HDAC9: variants seen among roughly 807,000 people sequenced by gnomAD.
HDAC9 encodes the protein MEF-2 interacting transcription repressor (MITR) protein.
HDAC9 carries 41 observed loss-of-function variants against 139.4 expected under a neutral mutation model. That is an observed-to-expected ratio of 0.29 (90% confidence interval 0.23 to 0.38). The LOEUF (loss-of-function observed/expected upper bound fraction) is 0.38. HDAC9 is among the 10% of genes least tolerant of loss of function. The pLI, the probability that HDAC9 is intolerant of heterozygous loss-of-function variation, is 1.00. For missense variants in HDAC9, 1,147 were observed against 1,297.0 expected, an observed-to-expected ratio of 0.88 and a Z score of 1.78; for synonymous variants, 517 against 476.2, an observed-to-expected ratio of 1.09 and a Z score of -1.12.
chr7:18,732,875 A>G (rs1355987795), intron 13 of HDAC9, among the ~76,000 whole-genome samples: 1 of 102,474 alleles, frequency 9.8e-6, no homozygotes, highest in Non-Finnish European at 1.9e-5. Flanking sequence ...GTGTACACAC[A>G]CACGTGTGCG....
Position 18,212,820 on chromosome 7 carries a change from A to T in HDAC9, c.25+50471A>T, listed in dbSNP as rs529669170. Reference sequence around the variant, plus strand: ...CAAAGTGTCACATAAACCTTTTCCTAATCAAAGTGGTTGTTCATTTATTAA... The same window carrying T: ...CAAAGTGTCACATAAACCTTTTCCTTATCAAAGTGGTTGTTCATTTATTAA... On this transcript the variant is annotated intron_variant, in intron 2 of 12. Transcript: ENST00000417496. Among the ~76,000 whole-genome samples, 3 of 152,296 alleles carry T rather than the reference A, an allele frequency of 2.0e-5. No individual in the cohort carries two copies. In the South Asian group the frequency reaches 6.2e-4, roughly 32 times the overall value.
chr7:18,304,505 G>A (rs1798784464), intron 1 of HDAC9, among the ~76,000 whole-genome samples: 1 of 152,156 alleles, frequency 6.6e-6, no homozygotes, highest in Non-Finnish European at 1.5e-5. Flanking sequence ...GTAAAGTAAT[G>A]TGGGTTGTGT....
chr7:18,300,978 A>G (rs905960153), intron 1 of HDAC9, among the ~76,000 whole-genome samples: 1 of 152,042 alleles, frequency 6.6e-6, no homozygotes, highest in Non-Finnish European at 1.5e-5. Flanking sequence ...AACTCCTGTC[A>G]AATAAAGAAT....
intron 23 of HDAC9, among the ~76,000 whole-genome samples, chr7:18,938,957 G>C (rs956574906): frequency 6.6e-6 from 1 of 152,170 alleles, no homozygotes; most frequent in South Asian, 2.1e-4. Flanking sequence ...TAAAGGTATT[G>C]CTGGACAATA....
rs1398158776 is a variant in HDAC9 at position 18,996,735 on chromosome 7, A to G, written c.*673A>G. The G allele has an allele frequency of 6.6e-6, 1 of 152,148 alleles. No individual in the cohort carries two copies. The highest frequency in any genetic ancestry group is 1.5e-5 in the Non-Finnish European group (1 of 68,042). The allele number at this position is 152,148 out of a possible 1,614,324, so 9.4% of individuals were successfully genotyped here. On this transcript the variant is annotated 3_prime_UTR_variant, in exon 26 of 26. Coordinates refer to ENST00000686413, the MANE Select transcript of HDAC9 (RefSeq NM_178425.4). The stretch of plus-strand genomic sequence containing the variant: ...CCTCACACACTGTTTGTAATGGTGC[A>G]ATATTTTATATCACTTTTTTTTAAA...
intron 23 of HDAC9, among the ~76,000 whole-genome samples, chr7:18,950,763 G>T (rs1218389513): frequency 6.6e-6 from 1 of 151,808 alleles, no homozygotes; most frequent in African/African-American, 2.4e-5. Flanking sequence ...TGAATGCTTG[G>T]TAAGGTTTTA....
intron 17 of HDAC9, among the ~76,000 whole-genome samples, chr7:18,808,612 C>T (rs540582265): frequency 5.9e-5 from 9 of 151,848 alleles, no homozygotes; most frequent in Non-Finnish European, 1.3e-4. Flanking sequence ...AATTTGCATA[C>T]TGAAAACTAT....
chr7:18,565,657 G>C lies in HDAC9; in HGVS notation c.23-19624G>C, dbSNP rs189695099. Reference sequence around the variant, plus strand: ...TGTAGAAAAAAAGAAAAAAAAGGGTGGGGAATTCTTTCAGCCAAAAAACAA... The same window carrying C: ...TGTAGAAAAAAAGAAAAAAAAGGGTCGGGAATTCTTTCAGCCAAAAAACAA... On this transcript the variant is annotated intron_variant, in intron 2 of 25. Transcript: ENST00000686413. Among the ~76,000 whole-genome samples the C allele has an allele frequency of 9.5e-3, 1,452 of 152,146 alleles. 13 individuals are homozygous for C. The highest frequency in any genetic ancestry group is 0.014 in the Non-Finnish European group (958 of 68,000).
intron 22 of HDAC9, among the ~76,000 whole-genome samples, chr7:18,915,686 G>A (rs1190945023): frequency 6.7e-6 from 1 of 149,644 alleles, no homozygotes; most frequent in Non-Finnish European, 1.5e-5. Context: ...AAGCGACCCC[G>A]CATGTGTTCT....
chr7:18,381,390 C>T (rs6943235), intron 1 of HDAC9, among the ~76,000 whole-genome samples: 62 of 152,084 alleles, frequency 4.1e-4, no homozygotes, highest in African/African-American at 1.4e-3. Flanking sequence ...TTTATATTAT[C>T]TGACCACCAA....
rs185532816 is a variant in HDAC9, at chr7:18,985,126, G to T, written c.3170+9173G>T. ...TTAGGGTACATGTGCACAATGTGCAGGTTAGTTACATATGTATACATGTGC... is the reference window on the plus strand; with the variant it reads ...TTAGGGTACATGTGCACAATGTGCATGTTAGTTACATATGTATACATGTGC... On this transcript the variant is annotated intron_variant, in intron 25 of 25. Coordinates refer to ENST00000686413, the MANE Select transcript of HDAC9 (RefSeq NM_178425.4). 3.6e-3 allele frequency among the ~76,000 whole-genome samples: 540 copies of T among 152,024 alleles called. 1 individual carries two copies. The highest frequency in any genetic ancestry group is 0.012 in the African/African-American group (499 of 41,444).
At chr7:18,681,876 C>T (rs1781915342) in intron 12 of HDAC9, among the ~76,000 whole-genome samples, 2 of 152,000 alleles carry the variant, frequency 1.3e-5, no homozygotes, top group African/African-American at 2.4e-5. Context: ...GAATAAATGA[C>T]AATCTGTCCC....
chr7:18,703,997 T>G (rs1783696117), intron 12 of HDAC9, among the ~76,000 whole-genome samples: 1 of 152,202 alleles, frequency 6.6e-6, no homozygotes, highest in Non-Finnish European at 1.5e-5. Context: ...TCTCTGCCAT[T>G]CCTGGACTAG....
chr7:18,859,021 C>T (rs550200516), intron 21 of HDAC9, among the ~76,000 whole-genome samples: 1 of 152,106 alleles, frequency 6.6e-6, no homozygotes, highest in South Asian at 2.1e-4. Flanking sequence ...CTTCCGAGAA[C>T]GTGATCTTTG....
At chr7:18,942,260 T>G (rs1353893155) in intron 23 of HDAC9, among the ~76,000 whole-genome samples, 2 of 152,060 alleles carry the variant, frequency 1.3e-5, no homozygotes, top group Non-Finnish European at 2.9e-5. Flanking sequence ...AATAAAAAAA[T>G]CAGACTAATA....
At chr7:18,791,993 T>C in intron 16 of HDAC9, among the ~76,000 whole-genome samples, 1 of 152,206 alleles carries the variant, frequency 6.6e-6, no homozygotes, top group East Asian at 1.9e-4. Flanking sequence ...GCCATGATTT[T>C]ACCCCACCAG....
chr7:18,591,475 A>ATGTGTGTGTGTGTGTG lies in HDAC9; in HGVS notation c.416-23_416-8dup, dbSNP rs36100341. The ATGTGTGTGTGTGTGTG allele has an allele frequency of 2.7e-5, 40 of 1,474,022 alleles. No homozygotes were observed. The African/African-American group carries it at 5.7e-4, about 21-fold the overall frequency. The allele number at this position is 1,474,022 out of a possible 1,614,324, so 91.3% of individuals were successfully genotyped here. A position where few individuals can be genotyped will look rare whatever the true frequency, so the allele number is the denominator to read the frequency against. ...CATCAACATCTGTTTCTGTGTGTGT[A>ATGTGTGTGTGTGTGTG]TGTGTGTGTGTGTGTGTGTGTGTGT... is the stretch of plus-strand genomic sequence containing the variant. On this transcript the variant is annotated intron_variant, in intron 4 of 25. Coordinates refer to ENST00000686413, the MANE Select transcript of HDAC9 (RefSeq NM_178425.4).
intron 1 of HDAC9, among the ~76,000 whole-genome samples, chr7:18,454,721 CCTG>C (rs1793189051): frequency 6.6e-6 from 1 of 151,974 alleles, no homozygotes; most frequent in African/African-American, 2.4e-5. Flanking sequence ...TTGTTATGCA[CCTG>C]CTATTTTCAG....
intron 2 of HDAC9, among the ~76,000 whole-genome samples, chr7:18,219,490 G>GC (rs796381574): frequency 4.0e-5 from 6 of 151,520 alleles, no homozygotes; most frequent in Non-Finnish European, 2.9e-5. Flanking sequence ...GTGAGAAGAT[G>GC]CTTTTTTTTT....
Sources: gnomAD v4.1 joint callset for allele counts (sites outside exome capture counted in the v4.1 genomes callset) on GRCh38, gnomAD v4.1.1 for gene constraint, MANE v1.5 for transcripts, NCBI Gene and HGNC (gene_info 2026-07-23, HGNC 2026-07-21) for gene names.